VPS13C: variants seen among roughly 807,000 people sequenced by gnomAD.
The protein encoded by VPS13C is vacuolar protein sorting 13 homolog C.
Under a neutral mutation model 456.8 loss-of-function variants are expected in VPS13C, and 358 were observed. The ratio of observed to expected loss-of-function variants is 0.78; its 90% CI spans 0.72 to 0.86. The LOEUF (loss-of-function observed/expected upper bound fraction) is 0.86. Ranked by LOEUF, VPS13C falls within the 40% of genes least tolerant of loss-of-function variation. The pLI is 0.00. For synonymous variants in VPS13C, 1,578 were observed against 1,486.7 expected, an observed-to-expected ratio of 1.06 and a Z score of -1.41; for missense variants, 4,818 against 4,385.4, an observed-to-expected ratio of 1.10 and a Z score of -2.79.
chr15:61,934,863 G>A (rs2044174213), intron 48 of VPS13C, among the ~76,000 whole-genome samples: 2 of 152,036 alleles, frequency 1.3e-5, no homozygotes, highest in African/African-American at 2.4e-5. Flanking sequence ...CCATTCTCCT[G>A]CCTCAGCCTC....
Position 61,962,428 on chromosome 15 carries a change from A to T in VPS13C, c.3546T>A (p.Ser1182=). The part of the protein sequence containing the change: ...TDMSKVDGVL[S]LNVGCIQIVY... ...CAATCTGAATACAGCCAACATTCAG[A>T]GACAGCACACCATCCACTTTGGACA... The change falls in exon 34 of 85, where the codon TCT becomes TCA. Residue 1182 remains serine, a synonymous_variant. Coordinates refer to ENST00000644861, the MANE Select transcript of VPS13C (RefSeq NM_020821.3). The T allele has an allele frequency of 6.2e-7, 1 of 1,610,802 alleles. No individual in the cohort carries two copies. Among genetic ancestry groups the T allele is most frequent in the African/African-American group, 1.3e-5 (1 of 74,992 alleles).
At position 61,973,400 on chromosome 15, in the gene VPS13C, T is replaced by C. The variant is rs1157130959; in HGVS notation, c.2617+54A>G. 9 of 1,412,826 alleles carry C rather than the reference T, an allele frequency of 6.4e-6. No homozygotes were observed. The East Asian group carries it at 2.1e-4, about 32-fold the overall frequency. The allele number at this position is 1,412,826 out of a possible 1,614,324, so 87.5% of individuals were successfully genotyped here. ...TTATTTTCTGAAAATGTTATCTCTG[T>C]ATAACAATGTATAGGCTTAATTTAA... On this transcript the variant is annotated intron_variant, in intron 26 of 84. Coordinates refer to ENST00000644861, the MANE Select transcript of VPS13C (RefSeq NM_020821.3).
In VPS13C at chr15:61,865,998, C is replaced by T. The variant is rs999109460; in HGVS notation, c.10864-2470G>A. On this transcript the variant is annotated intron_variant, in intron 81 of 84. Coordinates refer to ENST00000644861, the MANE Select transcript of VPS13C (RefSeq NM_020821.3). The stretch of plus-strand genomic sequence containing the variant: ...TATTACAAAGGGCTAAAAAGATATA[C>T]TTTTATACTCTAATACTCTTTAATA... The T allele has an allele frequency of 3.1e-6, 3 of 983,532 alleles. No individual in the cohort carries two copies. The African/African-American group carries it at 5.2e-5, about 17-fold the overall frequency. 60.9% of individuals were successfully genotyped at this position (983,532 alleles called of 1,614,324 possible).
chr15:61,931,194 G>C lies in VPS13C; in HGVS notation c.5934C>G (p.Ala1978=). The change falls in exon 50 of 85, where the codon GCC becomes GCG. Residue 1978 remains alanine, a synonymous_variant. Transcript: ENST00000644861. ...QLGELRLHLM[A]SSGKMFKDGS... The stretch of plus-strand genomic sequence containing the variant: ...CATCCTTAAACATCTTCCCTGAGGA[G>C]GCCATAAGATGTAGTCTGAGTTCAC... The C allele has an allele frequency of 6.2e-7, 1 of 1,614,106 alleles. No individual in the cohort carries two copies. The highest frequency in any genetic ancestry group is 8.5e-7 in the Non-Finnish European group (1 of 1,180,020).
At chr15:62,052,009 G>C (rs2048635795) in intron 1 of VPS13C, among the ~76,000 whole-genome samples, 1 of 152,116 alleles carries the variant, frequency 6.6e-6, no homozygotes, top group Non-Finnish European at 1.5e-5. Flanking sequence ...TTTATCCAAG[G>C]TTATACAATT....
chr15:61,986,066 T>C (rs756062732), intron 18 of VPS13C, among the ~76,000 whole-genome samples: 4 of 151,470 alleles, frequency 2.6e-5, no homozygotes, highest in Non-Finnish European at 5.9e-5. Context: ...GTAACACTGA[T>C]TGGTGCACAT....
chr15:61,936,863 GAGAGTT>G (rs1353776477), intron 47 of VPS13C, 113 bp from the exon 48 acceptor site: 4 of 1,115,178 alleles, frequency 3.6e-6, no homozygotes, highest in Non-Finnish European at 5.0e-6. Context: ...TTAAAAAGAA[GAGAGTT>G]AGAGTTAGGA....
Position 61,983,836 on chromosome 15 carries a change from T to C in VPS13C, c.1898A>G (p.Glu633Gly). 6.2e-7 allele frequency: 1 copy of C among 1,613,938 alleles called. No individual in the cohort carries two copies. ...TGCACTTACAGCATCATAGATGACC[T>C]CCACAGGCTGGGACTGAACAATCAG... ...QTLIVQSQPV[E>G]VIYDAKTVNA... Residue 633 changes from glutamate (E) to glycine (G), a missense_variant, in exon 20 of 85, where the codon GAG becomes GGG. By Grantham distance (98) the Glu-to-Gly change is moderately conservative. This residue lies in a region of VPS13C where 4,552 missense variants were observed against 4,130.6 expected (regional missense o/e 1.10). Transcript: ENST00000644861.
intron 3 of VPS13C, among the ~76,000 whole-genome samples, chr15:62,039,172 C>T (rs746237157): frequency 1.3e-5 from 2 of 152,062 alleles, no homozygotes; most frequent in Non-Finnish European, 2.9e-5. Context: ...AGCAAAGTCA[C>T]ACAACCAAAC....
intron 47 of VPS13C, among the ~76,000 whole-genome samples, chr15:61,937,525 A>G (rs534693044): frequency 2.6e-5 from 4 of 152,268 alleles, no homozygotes; most frequent in African/African-American, 9.6e-5. Context: ...CCCAGGCTAG[A>G]GTGCAGTGGC....
Position 61,886,454 on chromosome 15 carries a change from C to A in VPS13C, c.9342-2185G>T, listed in dbSNP as rs559779542. Among the ~76,000 whole-genome samples the A allele has an allele frequency of 5.9e-5, 9 of 152,110 alleles. No individual in the cohort carries two copies. In the South Asian group the frequency reaches 1.9e-3, roughly 32 times the overall value. On this transcript the variant is annotated intron_variant, in intron 67 of 84. Coordinates refer to ENST00000644861, the MANE Select transcript of VPS13C (RefSeq NM_020821.3). ...CCCTAAAAGATGAACATTCAAAGTT[C>A]ACTTTTCTCTTGTTTTGATATGACG...
intron 34 of VPS13C, 113 bp from the exon 35 acceptor site, chr15:61,962,006 C>G: frequency 1.7e-6 from 2 of 1,159,474 alleles, no homozygotes; most frequent in Non-Finnish European, 2.4e-6. Context: ...ATTTAACTTT[C>G]CATTGAGCCC....
intron 1 of VPS13C, among the ~76,000 whole-genome samples, chr15:62,052,644 G>A (rs181333764): frequency 1.9e-3 from 247 of 131,372 alleles, no homozygotes; most frequent in African/African-American, 6.9e-3. Context: ...CTGCACTCCA[G>A]CCTGGGCGAC....
At position 61,890,181 on chromosome 15, in the gene VPS13C, A is replaced by T; in HGVS notation, c.9325T>A (p.Tyr3109Asn). 1 of 1,614,072 alleles carries T rather than the reference A, an allele frequency of 6.2e-7. No individual in the cohort carries two copies. Among genetic ancestry groups the T allele is most frequent in the Non-Finnish European group, 8.5e-7 (1 of 1,179,986 alleles). Residue 3109 changes from tyrosine (Y) to asparagine (N), a missense_variant, in exon 67 of 85, where the codon TAT becomes AAT. Physicochemically the swap from Tyr to Asn is moderately radical, Grantham distance 143 (BLOSUM62 -2). This residue lies in a region of VPS13C where 4,552 missense variants were observed against 4,130.6 expected (regional missense o/e 1.10). Transcript: ENST00000644861. ...CTTGCATACCTGGTTATCCCAATAT[A>T]GGAAACTTCCTGCTTGCTTTCATTG... ...VNNESKQEVS[Y>N]IGITSSGVVW...
At chr15:61,862,656 A>C (rs368417676) in intron 82 of VPS13C, among the ~76,000 whole-genome samples, 11 of 152,190 alleles carry the variant, frequency 7.2e-5, no homozygotes, top group African/African-American at 2.2e-4. Flanking sequence ...TGTTTTGTGA[A>C]TATTTTTAAC....
Position 62,008,760 on chromosome 15 carries a change from T to G in VPS13C, c.1013A>C (p.Tyr338Ser). 6.4e-7 allele frequency: 1 copy of G among 1,557,254 alleles called. No individual in the cohort carries two copies. The highest frequency in any genetic ancestry group is 8.7e-7 in the Non-Finnish European group (1 of 1,146,992). The change falls in exon 14 of 85, where the codon TAC becomes TCC. Residue 338 changes from tyrosine (Y) to serine (S), a missense_variant and splice_region_variant. Coordinates refer to ENST00000644861, the MANE Select transcript of VPS13C (RefSeq NM_020821.3). ...CTCCAAAAGGTCAATCATACTTAAGTACTGTTAAAACAAAAATAAAATTAT... is the reference window on the plus strand; with the variant it reads ...CTCCAAAAGGTCAATCATACTTAAGGACTGTTAAAACAAAAATAAAATTAT... ...NIAIELTKPQ[Y>S]LSMIDLLESV...
chr15:61,872,141 CA>C, intron 78 of VPS13C, 107 bp from the exon 79 acceptor site: 1 of 865,538 alleles, frequency 1.2e-6, no homozygotes, highest in Non-Finnish European at 1.8e-6. Flanking sequence ...ACAACAACAA[CA>C]AAAATTGAAG....
chr15:61,916,040 T>A lies in VPS13C; in HGVS notation c.8056-18A>T. On this transcript the variant is annotated intron_variant, in intron 60 of 84. Coordinates refer to ENST00000644861, the MANE Select transcript of VPS13C (RefSeq NM_020821.3). Reference sequence around the variant, plus strand: ...GCTGTTCCCTAAAAACAAACAAAAATTCGCTGAGTAACTTTTTAAAAACTC... The same window carrying A: ...GCTGTTCCCTAAAAACAAACAAAAAATCGCTGAGTAACTTTTTAAAAACTC... 6.5e-7 allele frequency: 1 copy of A among 1,534,160 alleles called. No individual in the cohort carries two copies. The highest frequency in any genetic ancestry group is 8.7e-7 in the Non-Finnish European group (1 of 1,143,792).
chr15:61,991,945 C>A (rs1289959133), intron 16 of VPS13C, 143 bp from the exon 17 acceptor site: 4 of 905,056 alleles, frequency 4.4e-6, no homozygotes, highest in Non-Finnish European at 6.4e-6. Flanking sequence ...AAATGATGCT[C>A]ACAACATAAT....
Sources: allele counts gnomAD v4.1 joint callset (sites outside exome capture counted in the v4.1 genomes callset), GRCh38; gene constraint gnomAD v4.1.1; regional missense constraint gnomAD v4.1.1; transcripts MANE v1.5; gene names NCBI Gene and HGNC (gene_info 2026-07-23, HGNC 2026-07-21).